TENM2: variants seen among roughly 807,000 people sequenced by gnomAD.
TENM2 encodes the protein teneurin-2.
TENM2 carries 52 observed loss-of-function variants against 245.2 expected under a neutral mutation model. That is an observed-to-expected ratio of 0.21 (90% CI 0.17 to 0.27). The LOEUF (loss-of-function observed/expected upper bound fraction) is 0.27. Ranked by LOEUF, TENM2 falls within the 10% of genes least tolerant of loss-of-function variation. The pLI is 1.00. For missense variants in TENM2, 3,046 were observed against 3,666.8 expected, an observed-to-expected ratio of 0.83 and a Z score of 4.37; for synonymous variants, 1,363 against 1,438.9, an observed-to-expected ratio of 0.95 and a Z score of 1.19.
At chr5:167,862,222 A>T (rs1292227264) in intron 2 of TENM2, among the ~76,000 whole-genome samples, 1 of 148,938 alleles carries the variant, frequency 6.7e-6, no homozygotes, top group African/African-American at 2.5e-5. Context: ...AATTTTGCTG[A>T]CTCTAGTCAA....
At chr5:168,251,021 G>A (rs1767063551) in intron 27 of TENM2, among the ~76,000 whole-genome samples, 1 of 152,174 alleles carries the variant, frequency 6.6e-6, no homozygotes, top group South Asian at 2.1e-4. Context: ...AGTGCAGGGA[G>A]AGAGGAGGAG....
chr5:167,394,331 T>A (rs1761931556), intron 2 of TENM2, among the ~76,000 whole-genome samples: 1 of 152,142 alleles, frequency 6.6e-6, no homozygotes, highest in African/African-American at 2.4e-5. Context: ...AAATTAATCT[T>A]TTTCACATGT....
chr5:167,944,154 T>A (rs186338149), intron 3 of TENM2, among the ~76,000 whole-genome samples: 1 of 152,322 alleles, frequency 6.6e-6, no homozygotes, highest in East Asian at 1.9e-4. Flanking sequence ...TGTGAGAACG[T>A]GCCCTATTGG....
At chr5:166,984,063 A>C in the TENM2 span, among the ~76,000 whole-genome samples, 1 of 152,248 alleles carries the variant, frequency 6.6e-6, no homozygotes. Context: ...ATGTAAGCTT[A>C]AGCTTATTTG....
At chr5:168,073,115 G>C (rs1727074516) in intron 7 of TENM2, among the ~76,000 whole-genome samples, 1 of 152,246 alleles carries the variant, frequency 6.6e-6, no homozygotes, top group South Asian at 2.1e-4. Context: ...TGGGAGATTT[G>C]GAATAACATT....
At chr5:167,147,380 A>T in the TENM2 span, among the ~76,000 whole-genome samples, 4 of 152,132 alleles carry the variant, frequency 2.6e-5, no homozygotes, top group Non-Finnish European at 5.9e-5. Flanking sequence ...ATTATCTCTG[A>T]TGATGATTTT....
chr5:167,347,411 A>G (rs1758530165), intron 1 of TENM2, among the ~76,000 whole-genome samples: 1 of 152,194 alleles, frequency 6.6e-6, no homozygotes, highest in South Asian at 2.1e-4. Context: ...ATTGTCTCCC[A>G]ACAGCTTCCT....
At position 167,992,761 on chromosome 5, in the gene TENM2, G is replaced by A. The variant is rs1580992234; in HGVS notation, c.948-183G>A. ...TGCATATGTGAAAGGAGCAAATTAT[G>A]CACATTTATGGAATTAATTTATGTC... On this transcript the variant is annotated intron_variant, in intron 4 of 28. Coordinates refer to ENST00000518659, the Ensembl canonical transcript of TENM2. Among the ~76,000 whole-genome samples the A allele has an allele frequency of 2.0e-5, 3 of 152,258 alleles. No individual in the cohort carries two copies. In the East Asian group the frequency reaches 5.8e-4, roughly 29 times the overall value.
intron 2 of TENM2, among the ~76,000 whole-genome samples, chr5:167,416,316 G>A (rs928550610): frequency 2.6e-5 from 4 of 152,152 alleles, no homozygotes; most frequent in African/African-American, 9.7e-5. Context: ...AAAAGTAAAT[G>A]CAATCTGGTA....
chr5:168,001,041 G>T (rs1191329523), intron 5 of TENM2, among the ~76,000 whole-genome samples: 1 of 152,160 alleles, frequency 6.6e-6, no homozygotes, highest in African/African-American at 2.4e-5. Context: ...TAGGCAATCA[G>T]TACATATTTG....
At chr5:167,532,608 C>A (rs1403108544) in intron 2 of TENM2, among the ~76,000 whole-genome samples, 1 of 151,848 alleles carries the variant, frequency 6.6e-6, no homozygotes, top group African/African-American at 2.4e-5. Flanking sequence ...ATTCAATTAC[C>A]TCCTACCAAG....
chr5:167,304,369 C>T (rs1024877366), intron 1 of TENM2, among the ~76,000 whole-genome samples: 6 of 152,216 alleles, frequency 3.9e-5, no homozygotes, highest in Non-Finnish European at 5.9e-5. Context: ...ATCGCTTCCC[C>T]AGTAAACTAC....
At chr5:167,210,557 G>A in the TENM2 span, among the ~76,000 whole-genome samples, 5 of 147,772 alleles carry the variant, frequency 3.4e-5, no homozygotes, top group South Asian at 2.1e-4. Context: ...TCTGCTTCCC[G>A]GGTTCACGCC....
chr5:167,519,825 A>G (rs1770633646), intron 2 of TENM2, among the ~76,000 whole-genome samples: 2 of 152,190 alleles, frequency 1.3e-5, no homozygotes, highest in Admixed American at 6.5e-5. Flanking sequence ...ATCTCTACAC[A>G]CACAGTCAGT....
chr5:167,062,632 T>C, the TENM2 span, among the ~76,000 whole-genome samples: 1 of 152,204 alleles, frequency 6.6e-6, no homozygotes, highest in African/African-American at 2.4e-5. Flanking sequence ...CAGGTGTTGT[T>C]CTAGATCCTG....
chr5:167,255,517 G>A, the TENM2 span, among the ~76,000 whole-genome samples: 4 of 152,228 alleles, frequency 2.6e-5, no homozygotes, highest in East Asian at 3.9e-4. Context: ...ATGACAAGCC[G>A]ACTATAAACT....
chr5:167,367,617 T>C (rs1326826863), intron 1 of TENM2, among the ~76,000 whole-genome samples: 1 of 152,146 alleles, frequency 6.6e-6, no homozygotes, highest in Non-Finnish European at 1.5e-5. Flanking sequence ...ATGGTGATCA[T>C]TAAATATGTA....
At chr5:167,810,906 G>A (rs1042490824) in intron 2 of TENM2, among the ~76,000 whole-genome samples, 2 of 152,168 alleles carry the variant, frequency 1.3e-5, no homozygotes, top group Admixed American at 1.3e-4. Context: ...GGAAAGAGGA[G>A]AGCAAGCTCT....
chr5:168,231,780 C>G (rs974735290), intron 25 of TENM2, among the ~76,000 whole-genome samples: 3 of 134,110 alleles, frequency 2.2e-5, no homozygotes, highest in Non-Finnish European at 4.9e-5. Context: ...CAACAACAAC[C>G]AAAAAAAAAA....
Sources: allele counts gnomAD v4.1 joint callset (sites outside exome capture counted in the v4.1 genomes callset), GRCh38; gene constraint gnomAD v4.1.1; transcripts MANE v1.5; gene names NCBI Gene and HGNC (gene_info 2026-07-23, HGNC 2026-07-21).